The following RBM20 variants were observed in gnomAD, a reference collection of about 807,000 sequenced individuals.
RBM20 encodes the protein RNA binding motif protein 20, also known as RNA-binding protein 20.
Under a neutral mutation model 110.1 loss-of-function variants are expected in RBM20, and 51 were observed. The ratio of observed to expected loss-of-function variants is 0.46; its 90% CI spans 0.37 to 0.59. The LOEUF is 0.59. RBM20 is among the 20% of genes least tolerant of loss of function. The probability of loss-of-function intolerance (pLI) is 0.00; values close to 1 mark genes in which losing one functional copy is unlikely to be tolerated. For synonymous variants in RBM20, 589 were observed against 618.2 expected (o/e 0.95, Z 0.70); for missense variants, 1,512 against 1,574.9 (o/e 0.96, Z 0.68).
At chr10:110,829,597 A>G (rs992375045) in intron 12 of RBM20, among the ~76,000 whole-genome samples, 24 of 152,056 alleles carry the variant, frequency 1.6e-4, no homozygotes, top group Admixed American at 4.6e-4. Flanking sequence ...CTTCACACTG[A>G]TAAGTGGCTA....
rs558454602 is a variant in RBM20 at position 110,687,880 on chromosome 10, A to G, written c.191+43235A>G. Among the ~76,000 whole-genome samples, 22 of 152,310 alleles carry G rather than the reference A, an allele frequency of 1.4e-4. No homozygotes were observed. The South Asian group carries it at 4.1e-3, about 29-fold the overall frequency. On this transcript the variant is annotated intron_variant, in intron 1 of 13. Coordinates refer to ENST00000369519, the MANE Select transcript of RBM20 (RefSeq NM_001134363.3). ...AAAGGTACACAAATTTTAAGTGCAT[A>G]GCTCATTGAATGTTTACTCTTCTAA...
In RBM20 at chr10:110,836,167, C is replaced by T. The variant is rs1218842333; in HGVS notation, c.*189C>T. On this transcript the variant is annotated 3_prime_UTR_variant, in exon 14 of 14. Coordinates refer to ENST00000369519, the MANE Select transcript of RBM20 (RefSeq NM_001134363.3). ...CTGATATGTCTCCAGGAGCAAGTCA[C>T]CCAGGTGTGTCCAGCCCACTGAGGG... 1.1e-5 allele frequency: 5 copies of T among 443,702 alleles called. No homozygotes were observed. The East Asian group carries it at 1.8e-4, about 16-fold the overall frequency. 27.5% of individuals were successfully genotyped at this position (443,702 alleles called of 1,614,324 possible).
chr10:110,758,937 A>T (rs944901167), intron 1 of RBM20, among the ~76,000 whole-genome samples: 1 of 152,164 alleles, frequency 6.6e-6, no homozygotes, highest in Non-Finnish European at 1.5e-5. Context: ...AAATCTGGAA[A>T]ATTTAATGAT....
At chr10:110,743,718 C>T (rs974151566) in intron 1 of RBM20, among the ~76,000 whole-genome samples, 5 of 152,144 alleles carry the variant, frequency 3.3e-5, no homozygotes, top group African/African-American at 4.8e-5. Flanking sequence ...CCAGTTCAAG[C>T]GATTCTCATG....
At chr10:110,805,661 C>T (rs1844684941) in intron 7 of RBM20, among the ~76,000 whole-genome samples, 1 of 152,178 alleles carries the variant, frequency 6.6e-6, no homozygotes, top group Non-Finnish European at 1.5e-5. Context: ...CCCAGGGTGA[C>T]CTAGCCAGGT....
chr10:110,801,674 C>T (rs1481498953), intron 7 of RBM20, among the ~76,000 whole-genome samples: 1 of 149,490 alleles, frequency 6.7e-6, no homozygotes, highest in African/African-American at 2.5e-5. Context: ...GCTGGGACTA[C>T]AGGCACACAC....
At chr10:110,789,475 C>T (rs1210444611) in intron 5 of RBM20, among the ~76,000 whole-genome samples, 1 of 148,192 alleles carries the variant, frequency 6.7e-6, no homozygotes, top group Non-Finnish European at 1.5e-5. Flanking sequence ...ATTTATTTAT[C>T]GAGACAGGGT....
intron 10 of RBM20, among the ~76,000 whole-genome samples, chr10:110,820,785 C>G (rs555249827): frequency 1.4e-4 from 21 of 152,146 alleles, no homozygotes; most frequent in African/African-American, 3.6e-4. Flanking sequence ...GTTGGGAGTC[C>G]ATGGGCTGCT....
chr10:110,699,286 G>A (rs948039850), intron 1 of RBM20, among the ~76,000 whole-genome samples: 3 of 140,478 alleles, frequency 2.1e-5, no homozygotes, highest in South Asian at 2.2e-4. Context: ...TTCCTGAGAC[G>A]GAGTCTTACT....
chr10:110,725,364 G>C (rs1189541168), intron 1 of RBM20, among the ~76,000 whole-genome samples: 1 of 152,154 alleles, frequency 6.6e-6, no homozygotes, highest in Non-Finnish European at 1.5e-5. Flanking sequence ...GGGACCTGTA[G>C]GTCAATAACG....
chr10:110,820,744 G>A (rs906944424), intron 10 of RBM20, among the ~76,000 whole-genome samples: 3 of 152,210 alleles, frequency 2.0e-5, no homozygotes, highest in African/African-American at 7.2e-5. Flanking sequence ...ATCGCTGGCA[G>A]GGAAGCTGAT....
At chr10:110,777,018 A>C (rs1479139379) in intron 1 of RBM20, among the ~76,000 whole-genome samples, 1 of 152,204 alleles carries the variant, frequency 6.6e-6, no homozygotes, top group East Asian at 1.9e-4. Context: ...CTCATAAAAG[A>C]GGTGTCCATA....
chr10:110,758,323 C>T (rs1843948717), intron 1 of RBM20, among the ~76,000 whole-genome samples: 1 of 151,964 alleles, frequency 6.6e-6, no homozygotes, highest in Admixed American at 6.6e-5. Context: ...GCCCTAAGAT[C>T]CCTGTTCCTA....
intron 1 of RBM20, among the ~76,000 whole-genome samples, chr10:110,688,414 G>A (rs918847505): frequency 6.6e-6 from 1 of 152,086 alleles, no homozygotes; most frequent in African/African-American, 2.4e-5. Context: ...ATACTTGTTT[G>A]TTTTTCAAAA....
chr10:110,665,340 T>C (rs759846907), intron 1 of RBM20, among the ~76,000 whole-genome samples: 1 of 152,202 alleles, frequency 6.6e-6, no homozygotes, highest in Non-Finnish European at 1.5e-5. Flanking sequence ...ATCAGGCTGA[T>C]AATATTCAAA....
intron 2 of RBM20, 94 bp from the exon 3 acceptor site, chr10:110,783,271 CT>C: frequency 1.1e-6 from 1 of 936,502 alleles, no homozygotes; most frequent in Admixed American, 2.0e-5. Context: ...TCTGGGCGCT[CT>C]GTGCTCCCTG....
intron 3 of RBM20, 34 bp from the exon 4 acceptor site, chr10:110,784,307 T>G: frequency 6.9e-7 from 1 of 1,455,176 alleles, no homozygotes. Context: ...TTTAACTTAT[T>G]AAGGAGCCGG....
At chr10:110,722,233 AT>A (rs1213366500) in intron 1 of RBM20, among the ~76,000 whole-genome samples, 1 of 152,230 alleles carries the variant, frequency 6.6e-6, no homozygotes, top group Non-Finnish European at 1.5e-5. Context: ...AACAGCAGGC[AT>A]TTTTAAATTA....
chr10:110,711,396 T>C (rs67761120), intron 1 of RBM20, among the ~76,000 whole-genome samples: 33,435 of 143,744 alleles, frequency 0.23, 4,012 homozygotes, highest in Non-Finnish European at 0.27. Context: ...GACAGGCCAC[T>C]GCCACCTTTA....
Sources: gnomAD v4.1 joint callset for allele counts (sites outside exome capture counted in the v4.1 genomes callset) on GRCh38, gnomAD v4.1.1 for gene constraint, MANE v1.5 for transcripts, NCBI Gene and HGNC (gene_info 2026-07-23, HGNC 2026-07-21) for gene names.